The following KHDRBS2 variants were observed in gnomAD, a reference collection of about 807,000 sequenced individuals.
The protein encoded by KHDRBS2 is KH domain-containing, RNA-binding, signal transduction-associated protein 2.
In KHDRBS2, 26 loss-of-function variants were observed where a neutral mutation model predicts 44.3. The ratio of observed to expected loss-of-function variants is 0.59; its 90% confidence interval spans 0.43 to 0.81. The LOEUF (loss-of-function observed/expected upper bound fraction) is 0.81. Among genes scored for constraint, KHDRBS2 ranks in the 40% least tolerant of loss-of-function variants. The pLI, the probability that KHDRBS2 is intolerant of heterozygous loss-of-function variation, is 0.00. For synonymous variants in KHDRBS2, 194 were observed against 151.1 expected, an observed-to-expected ratio of 1.28 and a Z score of -2.08; for missense variants, 476 against 433.1, an observed-to-expected ratio of 1.10 and a Z score of -0.88.
chr6:62,105,016 G>T (rs1160236046), intron 2 of KHDRBS2, among the ~76,000 whole-genome samples: 1 of 152,038 alleles, frequency 6.6e-6, no homozygotes, highest in Non-Finnish European at 1.5e-5. Flanking sequence ...AAACAATGCT[G>T]TGTCTGTAAA....
intron 4 of KHDRBS2, among the ~76,000 whole-genome samples, chr6:61,956,187 C>G (rs1325428498): frequency 6.6e-6 from 1 of 150,582 alleles, no homozygotes; most frequent in Non-Finnish European, 1.5e-5. Context: ...AGCAAGACTC[C>G]TTGTCAAAAA....
intron 7 of KHDRBS2, among the ~76,000 whole-genome samples, chr6:61,712,051 C>T (rs1387251492): frequency 2.6e-5 from 4 of 151,714 alleles, no homozygotes; most frequent in African/African-American, 9.7e-5. Context: ...CTCATGTGTT[C>T]AATCTGAAGC....
intron 4 of KHDRBS2, among the ~76,000 whole-genome samples, chr6:61,967,959 C>T (rs1698833): frequency 0.42 from 31,280 of 74,408 alleles, 3,860 homozygotes; most frequent in East Asian, 0.49. Context: ...TATATATATA[C>T]ACACACACAC....
At chr6:61,711,536 C>A (rs531452451) in intron 7 of KHDRBS2, among the ~76,000 whole-genome samples, 2 of 151,918 alleles carry the variant, frequency 1.3e-5, no homozygotes, top group East Asian at 1.9e-4. Flanking sequence ...AATTTAGAAA[C>A]AACCTAAGTT....
At chr6:61,788,192 C>T (rs1468786371) in intron 6 of KHDRBS2, among the ~76,000 whole-genome samples, 1 of 151,460 alleles carries the variant, frequency 6.6e-6, no homozygotes, top group Non-Finnish European at 1.5e-5. Context: ...AAACCTTAGT[C>T]AGCTACTTTC....
chr6:61,996,687 CTATTGCTCTTTTTGAGTCACATATAACTT>C (rs1364687790), intron 3 of KHDRBS2, among the ~76,000 whole-genome samples: 7 of 152,130 alleles, frequency 4.6e-5, no homozygotes, highest in Non-Finnish European at 8.8e-5. Flanking sequence ...TTACTTTAAC[CTATTGCTCTTTTTGAGTCACATATAACTT>C]TAATATCTTT....
At chr6:61,706,311 A>G (rs1158178939) in intron 7 of KHDRBS2, among the ~76,000 whole-genome samples, 2 of 151,832 alleles carry the variant, frequency 1.3e-5, no homozygotes, top group African/African-American at 4.8e-5. Context: ...TGACTCTTCC[A>G]CAACTTCAAT....
intron 4 of KHDRBS2, among the ~76,000 whole-genome samples, chr6:61,920,016 C>T (rs1807763554): frequency 6.6e-6 from 1 of 151,734 alleles, no homozygotes; most frequent in East Asian, 1.9e-4. Flanking sequence ...ATATATGACC[C>T]CAAGAGCTTA....
At chr6:61,579,717 T>C in the KHDRBS2 span, among the ~76,000 whole-genome samples, 1 of 152,128 alleles carries the variant, frequency 6.6e-6, no homozygotes, top group Non-Finnish European at 1.5e-5. Flanking sequence ...AATAGGGACA[T>C]TGGGTGATCT....
intron 1 of KHDRBS2, among the ~76,000 whole-genome samples, chr6:62,274,513 C>A (rs1257966317): frequency 6.6e-6 from 1 of 152,182 alleles, no homozygotes; most frequent in African/African-American, 2.4e-5. Context: ...TTTACTATGT[C>A]TCCAATGATG....
Position 61,943,605 on chromosome 6 carries a change from G to T in KHDRBS2, c.483+34461C>A, listed in dbSNP as rs144226493. Among the ~76,000 whole-genome samples the T allele has an allele frequency of 6.5e-4, 98 of 151,516 alleles. No homozygotes were observed. The East Asian group carries it at 0.017, about 27-fold the overall frequency. On this transcript the variant is annotated intron_variant, in intron 4 of 8. Coordinates refer to ENST00000281156, the MANE Select transcript of KHDRBS2 (RefSeq NM_152688.4). ...ACATTGATCTAAGTAAAGATTTTAT[G>T]GCTAAGAGCTCAATAGCACAGATAA...
At chr6:61,707,002 G>T (rs1769692101) in intron 7 of KHDRBS2, among the ~76,000 whole-genome samples, 1 of 151,660 alleles carries the variant, frequency 6.6e-6, no homozygotes, top group Admixed American at 6.6e-5. Context: ...AAATCTGGAA[G>T]GGGGAACATT....
chr6:62,220,051 A>C (rs992652455), intron 1 of KHDRBS2, among the ~76,000 whole-genome samples: 1 of 151,334 alleles, frequency 6.6e-6, no homozygotes, highest in African/African-American at 2.4e-5. Flanking sequence ...AAGTAGGGAA[A>C]AAAGAAATTT....
intron 3 of KHDRBS2, among the ~76,000 whole-genome samples, chr6:62,022,030 C>CTATATA (rs201174798): frequency 2.5e-3 from 361 of 144,688 alleles, no homozygotes; most frequent in African/African-American, 7.7e-3. Context: ...CACACAAACA[C>CTATATA]TATATATATA....
intron 6 of KHDRBS2, among the ~76,000 whole-genome samples, chr6:61,826,965 T>A (rs1790979436): frequency 6.6e-6 from 1 of 152,210 alleles, no homozygotes; most frequent in African/African-American, 2.4e-5. Flanking sequence ...ATTCGATATC[T>A]ATCAGAACAT....
intron 1 of KHDRBS2, among the ~76,000 whole-genome samples, chr6:62,233,170 C>A (rs749380786): frequency 3.3e-5 from 5 of 152,088 alleles, no homozygotes; most frequent in Non-Finnish European, 7.4e-5. Flanking sequence ...GAAGGAGGCT[C>A]AGATGCCAGA....
chr6:62,088,007 T>A (rs769986201), intron 2 of KHDRBS2, among the ~76,000 whole-genome samples: 1 of 152,206 alleles, frequency 6.6e-6, no homozygotes, highest in African/African-American at 2.4e-5. Context: ...TTGCGTATGC[T>A]TCACGAAGTT....
intron 1 of KHDRBS2, among the ~76,000 whole-genome samples, chr6:62,275,549 T>G (rs1356514388): frequency 6.6e-6 from 1 of 152,230 alleles, no homozygotes; most frequent in Non-Finnish European, 1.5e-5. Context: ...TACTCTTTTA[T>G]AAAATGAATG....
At chr6:62,048,016 A>ATGTCTGTTT (rs1423482478) in intron 2 of KHDRBS2, 22 bp from the exon 3 acceptor site, 1 of 1,244,188 alleles carries the variant, frequency 8.0e-7, no homozygotes. Flanking sequence ...AATCAATAGA[A>ATGTCTGTTT]TGTCTGTTTT....
Sources: allele counts gnomAD v4.1 joint callset (sites outside exome capture counted in the v4.1 genomes callset), GRCh38; gene constraint gnomAD v4.1.1; transcripts MANE v1.5; gene names NCBI Gene and HGNC (gene_info 2026-07-23, HGNC 2026-07-21).